SH3GL2: variants seen among roughly 807,000 people sequenced by gnomAD.
SH3GL2 encodes SH3 domain containing GRB2 like 2, endophilin A1.
A neutral mutation model predicts 46.0 loss-of-function variants in SH3GL2; 24 were observed. The ratio of observed to expected loss-of-function variants is 0.52; its 90% CI spans 0.38 to 0.73. The LOEUF is 0.73. Among genes scored for constraint, SH3GL2 ranks in the 30% least tolerant of loss-of-function variants. SH3GL2 has a pLI of 0.00. For synonymous variants in SH3GL2, 196 were observed against 147.1 expected (o/e 1.33, Z -2.40); for missense variants, 413 against 424.2 (o/e 0.97, Z 0.23).
At chr9:17,775,363 G>A (rs950816181) in intron 3 of SH3GL2, among the ~76,000 whole-genome samples, 3 of 151,988 alleles carry the variant, frequency 2.0e-5, no homozygotes, top group African/African-American at 7.3e-5. Context: ...TCCAAAAGTG[G>A]GAAAACAGAG....
chr9:17,787,497 A>G lies in SH3GL2; in HGVS notation c.449A>G (p.Asp150Gly), dbSNP rs766744293. Residue 150 changes from aspartate to glycine, a missense_variant, in exon 5 of 9, where the codon GAT (aspartate) becomes GGT (glycine). Asp to Gly is a moderately conservative substitution (Grantham distance 94, BLOSUM62 -1). Transcript: ENST00000380607. ...CCTCTTCAGAATCTTCATGACAAAGATCTTAGGGAAATTCAAGTATGTACA... is the reference window on the plus strand; with the variant it reads ...CCTCTTCAGAATCTTCATGACAAAGGTCTTAGGGAAATTCAAGTATGTACA... ...IDPLQNLHDKDLREIQHHLKK... is the reference protein window; with the variant it reads ...IDPLQNLHDKGLREIQHHLKK... 2.5e-6 allele frequency: 4 copies of G among 1,612,976 alleles called. No individual in the cohort carries two copies. The highest frequency in any genetic ancestry group is 1.1e-5 in the South Asian group (1 of 91,058).
chr9:17,713,664 T>C (rs1261564198), intron 1 of SH3GL2, among the ~76,000 whole-genome samples: 2 of 151,676 alleles, frequency 1.3e-5, no homozygotes, highest in Non-Finnish European at 3.0e-5. Context: ...AAGTGCATTA[T>C]TAACTTTATA....
At chr9:17,654,347 C>A (rs1051177492) in intron 1 of SH3GL2, among the ~76,000 whole-genome samples, 2 of 152,168 alleles carry the variant, frequency 1.3e-5, no homozygotes, top group African/African-American at 4.8e-5. Flanking sequence ...AATAAATGGA[C>A]TCCTCTAGGG....
In SH3GL2 at chr9:17,795,760, G is replaced by A. The variant is rs371581382; in HGVS notation, c.*17G>A. 4.1e-5 allele frequency: 65 copies of A among 1,601,770 alleles called. No homozygotes were observed. Among genetic ancestry groups the A allele is most frequent in the Non-Finnish European group, 4.4e-5 (52 of 1,170,320 alleles). ...CCCCATTAGGATGTTATGCTGGCTG[G>A]CTCGCCTCCTCTTGACCCAGATAGT... On this transcript the variant is annotated 3_prime_UTR_variant, in exon 9 of 9. Transcript: ENST00000380607.
At chr9:17,609,074 C>T (rs1051972986) in intron 1 of SH3GL2, among the ~76,000 whole-genome samples, 1 of 152,148 alleles carries the variant, frequency 6.6e-6, no homozygotes, top group Admixed American at 6.5e-5. Context: ...AGGCATGGTC[C>T]TGGCTCTGCT....
At chr9:17,761,632 G>A in intron 3 of SH3GL2, 123 bp downstream of exon 3, 1 of 778,088 alleles carries the variant, frequency 1.3e-6, no homozygotes, top group Non-Finnish European at 2.4e-6. Context: ...ACTTTTCTGA[G>A]AGGTTAGCGA....
chr9:17,671,871 T>C (rs1396534601), intron 1 of SH3GL2, among the ~76,000 whole-genome samples: 5 of 152,224 alleles, frequency 3.3e-5, no homozygotes, highest in African/African-American at 1.2e-4. Context: ...ATAAGGACTT[T>C]GGTTGAATCA....
chr9:17,593,855 G>C (rs958787670), intron 1 of SH3GL2, among the ~76,000 whole-genome samples: 16 of 152,140 alleles, frequency 1.1e-4, no homozygotes, highest in Admixed American at 1.0e-3. Context: ...GGAGCCCAGA[G>C]ACTTCACATC....
rs73418663 is a variant in SH3GL2 at position 17,614,691 on chromosome 9, G to A, written c.45+35404G>A. Among the ~76,000 whole-genome samples the A allele has an allele frequency of 4.4e-3, 663 of 152,114 alleles. 3 individuals carry two copies. The highest frequency in any genetic ancestry group is 0.015 in the African/African-American group (641 of 41,486). ...GTTATTATTACCATCACTGCTTCAC[G>A]AATGGAGAAACTGAGGCCCAGGGAG... On this transcript the variant is annotated intron_variant, in intron 1 of 8. Coordinates refer to ENST00000380607, the MANE Select transcript of SH3GL2 (RefSeq NM_003026.5).
intron 1 of SH3GL2, 79 bp downstream of exon 1, chr9:17,579,366 G>A (rs1450410292): frequency 3.1e-6 from 3 of 977,276 alleles, no homozygotes; most frequent in Non-Finnish European, 4.3e-6. Flanking sequence ...GCCGTCCGGC[G>A]GCAGCTTGGG....
chr9:17,755,734 T>G lies in SH3GL2; in HGVS notation c.115-5703T>G, dbSNP rs1229001308. On this transcript the variant is annotated intron_variant, in intron 2 of 8. Coordinates refer to ENST00000380607, the MANE Select transcript of SH3GL2 (RefSeq NM_003026.5). ...TGTGGTATCTAATAGTATGAAATCA[T>G]ATCTTTCAGTCCTTTTGTTGCTCCA... 7 of 974,386 alleles carry G rather than the reference T, an allele frequency of 7.2e-6. No individual in the cohort carries two copies. The East Asian group carries it at 8.0e-4, about 111-fold the overall frequency. 60.4% of individuals were successfully genotyped at this position (974,386 alleles called of 1,614,324 possible).
intron 1 of SH3GL2, among the ~76,000 whole-genome samples, chr9:17,582,954 T>C (rs1818304849): frequency 6.6e-6 from 1 of 152,220 alleles, no homozygotes. Context: ...AGGACCCCAG[T>C]CATATAGGAT....
At chr9:17,728,419 A>T (rs1442512550) in intron 1 of SH3GL2, among the ~76,000 whole-genome samples, 1 of 151,996 alleles carries the variant, frequency 6.6e-6, no homozygotes. Context: ...AAAACCTTCT[A>T]CTTACAGATA....
At chr9:17,626,247 G>C (rs1819278583) in intron 1 of SH3GL2, among the ~76,000 whole-genome samples, 1 of 152,214 alleles carries the variant, frequency 6.6e-6, no homozygotes, top group African/African-American at 2.4e-5. Flanking sequence ...AAGGGGATAT[G>C]AGCCCATGTG....
chr9:17,793,170 C>T (rs1222635870), intron 7 of SH3GL2, among the ~76,000 whole-genome samples, 197 bp from the exon 8 acceptor site: 1 of 152,200 alleles, frequency 6.6e-6, no homozygotes, highest in African/African-American at 2.4e-5. Flanking sequence ...ACAGTGAGGA[C>T]ATGGCCCCAT....
At chr9:17,613,666 G>C (rs892464233) in intron 1 of SH3GL2, among the ~76,000 whole-genome samples, 43 of 152,152 alleles carry the variant, frequency 2.8e-4, no homozygotes, top group African/African-American at 7.2e-4. Context: ...GAAAATCTTG[G>C]TTTGGCTCTT....
At chr9:17,767,243 T>G (rs181476086) in intron 3 of SH3GL2, among the ~76,000 whole-genome samples, 82 of 152,354 alleles carry the variant, frequency 5.4e-4, no homozygotes, top group African/African-American at 1.9e-3. Flanking sequence ...GGGTATCAAA[T>G]TGGGGTCATT....
At chr9:17,709,715 G>A (rs908459577) in intron 1 of SH3GL2, among the ~76,000 whole-genome samples, 1 of 129,472 alleles carries the variant, frequency 7.7e-6, no homozygotes, top group African/African-American at 4.1e-5. Context: ...ACACACACAC[G>A]TTTAACCTGT....
chr9:17,736,194 G>A (rs1386420127), intron 1 of SH3GL2, among the ~76,000 whole-genome samples: 1 of 152,110 alleles, frequency 6.6e-6, no homozygotes. Context: ...TTATATGTGT[G>A]TGTATGTATG....
Sources: allele counts gnomAD v4.1 joint callset (sites outside exome capture counted in the v4.1 genomes callset), GRCh38; gene constraint gnomAD v4.1.1; transcripts MANE v1.5; gene names NCBI Gene and HGNC (gene_info 2026-07-23, HGNC 2026-07-21).